BATF: variants seen among roughly 807,000 people sequenced by gnomAD.
The protein encoded by BATF is basic leucine zipper transcriptional factor ATF-like.
In BATF, 5 loss-of-function variants were observed where a neutral mutation model predicts 13.7. The observed-to-expected ratio is 0.36, with a 90% CI of 0.19 to 0.77. The LOEUF (loss-of-function observed/expected upper bound fraction) is 0.77, where lower values mean the gene tolerates loss of function less well. Ranked by LOEUF, BATF falls within the 30% of genes least tolerant of loss-of-function variation. BATF has a pLI of 0.51. For synonymous variants in BATF, 72 were observed against 67.5 expected (o/e 1.07, Z -0.33); for missense variants, 124 against 163.0 (o/e 0.76, Z 1.30).
chr14:75,536,846 T>A (rs1009786251), intron 2 of BATF, among the ~76,000 whole-genome samples: 1 of 152,230 alleles, frequency 6.6e-6, no homozygotes, highest in Non-Finnish European at 1.5e-5. Context: ...GGGATTTCTC[T>A]GAACCTAAAC....
intron 2 of BATF, among the ~76,000 whole-genome samples, chr14:75,536,175 G>A (rs1256361474): frequency 6.6e-6 from 1 of 152,196 alleles, no homozygotes; most frequent in Admixed American, 6.5e-5. Flanking sequence ...GTGCTTCAAA[G>A]AAGATGAAAT....
chr14:75,546,606 G>T lies in BATF; in HGVS notation c.313G>T (p.Glu105Ter). ...GGCCGCCAGCACGCCCTCGCCCCCC[G>T]AGGTGGTGTACAGCGCCCACGCATT... Reference protein sequence around the residue: ...VLAASTPSPPEVVYSAHAFHQ... With the variant: ...VLAASTPSPP Residue 105 changes from glutamate to a stop codon, truncating the protein, a stop_gained, in exon 3 of 3, where the codon GAG becomes TAG. Transcript: ENST00000286639. LOFTEE classifies it high-confidence loss of function. 1 of 1,613,806 alleles carries T rather than the reference G, an allele frequency of 6.2e-7. No individual in the cohort carries two copies. Among genetic ancestry groups the T allele is most frequent in the East Asian group, 2.2e-5 (1 of 44,848 alleles).
chr14:75,536,984 A>G (rs1476927506), intron 2 of BATF, among the ~76,000 whole-genome samples: 1 of 152,312 alleles, frequency 6.6e-6, no homozygotes, highest in African/African-American at 2.4e-5. Context: ...TAATGCAGAC[A>G]GCCTGCCCTT....
At chr14:75,527,262 A>T (rs758629398) in intron 2 of BATF, among the ~76,000 whole-genome samples, 30 of 152,318 alleles carry the variant, frequency 2.0e-4, no homozygotes, top group Non-Finnish European at 2.8e-4. Context: ...CACACATTTT[A>T]TATATATATG....
At chr14:75,523,792 C>A (rs1269620547) in intron 1 of BATF, among the ~76,000 whole-genome samples, 2 of 152,138 alleles carry the variant, frequency 1.3e-5, no homozygotes, top group Non-Finnish European at 2.9e-5. Flanking sequence ...ATATCCTAAG[C>A]CTCTAATAAC....
chr14:75,536,869 T>C (rs560383898), intron 2 of BATF, among the ~76,000 whole-genome samples: 1 of 152,190 alleles, frequency 6.6e-6, no homozygotes, highest in African/African-American at 2.4e-5. Flanking sequence ...TGATCATAAG[T>C]TGAGAAGCAA....
rs142095706 is a variant in BATF at position 75,545,989 on chromosome 14, G to A, written c.169-473G>A. 1.7e-3 allele frequency among the ~76,000 whole-genome samples: 264 copies of A among 152,188 alleles called. 2 individuals are homozygous for A. The highest frequency in any genetic ancestry group is 6.2e-3 in the African/African-American group (258 of 41,488). ...TGCTTCTGTTTCAGCCTCCTGAGTA[G>A]CTGGGACTACAGGCGCACTGCCACA... On this transcript the variant is annotated intron_variant, in intron 2 of 2. Transcript: ENST00000286639.
intron 1 of BATF, 132 bp downstream of exon 1, chr14:75,522,877 T>C (rs1359561363): frequency 9.4e-7 from 1 of 1,061,518 alleles, no homozygotes; most frequent in East Asian, 2.6e-5. Flanking sequence ...TCTGTTAGAC[T>C]TAGGACATGG....
chr14:75,537,016 T>C (rs1480953272), intron 2 of BATF, among the ~76,000 whole-genome samples: 1 of 152,068 alleles, frequency 6.6e-6, no homozygotes, highest in African/African-American at 2.4e-5. Context: ...CAATCAGATA[T>C]ATTATCCTAC....
chr14:75,531,715 A>G (rs1434511081), intron 2 of BATF, among the ~76,000 whole-genome samples: 1 of 152,244 alleles, frequency 6.6e-6, no homozygotes, highest in African/African-American at 2.4e-5. Context: ...CACTGTGAGA[A>G]ATACGGTATT....
At chr14:75,538,070 C>T (rs1887843126) in intron 2 of BATF, among the ~76,000 whole-genome samples, 1 of 152,144 alleles carries the variant, frequency 6.6e-6, no homozygotes, top group South Asian at 2.1e-4. Context: ...ATGATCCTCC[C>T]ACCTTGGCCT....
intron 2 of BATF, among the ~76,000 whole-genome samples, chr14:75,541,459 C>G (rs1887894146): frequency 6.6e-6 from 1 of 152,176 alleles, no homozygotes; most frequent in Non-Finnish European, 1.5e-5. Context: ...GAAGGTCTGG[C>G]CTCGAGTCAG....
intron 2 of BATF, among the ~76,000 whole-genome samples, chr14:75,535,152 G>C (rs1464292711): frequency 6.6e-6 from 1 of 152,178 alleles, no homozygotes; most frequent in Non-Finnish European, 1.5e-5. Flanking sequence ...AAGTGGGATG[G>C]TTCATGCCTG....
At chr14:75,537,808 A>G (rs1262936308) in intron 2 of BATF, among the ~76,000 whole-genome samples, 2 of 152,006 alleles carry the variant, frequency 1.3e-5, no homozygotes, top group Non-Finnish European at 2.9e-5. Flanking sequence ...AATAAAATAC[A>G]TATTTAATAA....
chr14:75,531,934 T>C (rs937187456), intron 2 of BATF, among the ~76,000 whole-genome samples: 2 of 152,186 alleles, frequency 1.3e-5, no homozygotes, highest in African/African-American at 4.8e-5. Flanking sequence ...CCTTAAAAAG[T>C]TCAATGTAGA....
In BATF at chr14:75,546,498, C is replaced by A. The variant is rs559944973; in HGVS notation, c.205C>A (p.Arg69Ser). Reference sequence around the variant, plus strand: ...CCTGGAGAAACAGAACGCGGCTCTACGCAAGGAGATCAAGCAGCTCACAGA... The same window carrying A: ...CCTGGAGAAACAGAACGCGGCTCTAAGCAAGGAGATCAAGCAGCTCACAGA... Reference protein sequence around the residue: ...EDLEKQNAALRKEIKQLTEEL... With the variant: ...EDLEKQNAALSKEIKQLTEEL... The change falls in exon 3 of 3, where the codon CGC becomes AGC. Residue 69 changes from arginine to serine, a missense_variant. Transcript: ENST00000286639. The A allele has an allele frequency of 6.2e-7, 1 of 1,614,192 alleles. No homozygotes were observed. The highest frequency in any genetic ancestry group is 1.7e-5 in the Admixed American group (1 of 60,032).
chr14:75,534,598 A>G (rs1174666066), intron 2 of BATF, among the ~76,000 whole-genome samples: 2 of 152,218 alleles, frequency 1.3e-5, no homozygotes, highest in African/African-American at 4.8e-5. Flanking sequence ...GACACATGGA[A>G]AGTTGTTCTT....
At chr14:75,539,983 T>G (rs1887873112) in intron 2 of BATF, among the ~76,000 whole-genome samples, 1 of 152,144 alleles carries the variant, frequency 6.6e-6, no homozygotes, top group African/African-American at 2.4e-5. Flanking sequence ...GGGATAAGCT[T>G]CGAACGCCAC....
In BATF at chr14:75,545,202, T is replaced by C. The variant is rs79237799; in HGVS notation, c.169-1260T>C. Among the ~76,000 whole-genome samples the C allele has an allele frequency of 2.8e-3, 429 of 152,008 alleles. 5 individuals are homozygous for C. The highest frequency in any genetic ancestry group is 0.01 in the African/African-American group (416 of 41,500). Reference sequence around the variant, plus strand: ...GTTGTAGCAGACTTTGACCATTTAGTATTTATTTATTTCATTTTTATTTTT... The same window carrying C: ...GTTGTAGCAGACTTTGACCATTTAGCATTTATTTATTTCATTTTTATTTTT... On this transcript the variant is annotated intron_variant, in intron 2 of 2. Transcript: ENST00000286639.
Sources: allele counts gnomAD v4.1 joint callset (sites outside exome capture counted in the v4.1 genomes callset), GRCh38; gene constraint gnomAD v4.1.1; transcripts MANE v1.5; gene names NCBI Gene and HGNC (gene_info 2026-07-23, HGNC 2026-07-21).